TMEM150C: variants seen among roughly 807,000 people sequenced by gnomAD.
The protein encoded by TMEM150C is tentonin 3.
Under a neutral mutation model 29.9 loss-of-function variants are expected in TMEM150C, and 10 were observed. The ratio of observed to expected loss-of-function variants is 0.33; its 90% CI spans 0.21 to 0.57. TMEM150C has a LOEUF of 0.57. Among genes scored for constraint, TMEM150C ranks in the 20% least tolerant of loss-of-function variants. TMEM150C has a pLI of 0.88. For synonymous variants in TMEM150C, 101 were observed against 112.5 expected, an observed-to-expected ratio of 0.90 and a Z score of 0.64; for missense variants, 251 against 303.6, an observed-to-expected ratio of 0.83 and a Z score of 1.29.
At chr4:82,515,770 TCAGCCATAGG>T (rs1173306320) in intron 1 of TMEM150C, among the ~76,000 whole-genome samples, 2 of 151,608 alleles carry the variant, frequency 1.3e-5, no homozygotes, top group Admixed American at 1.3e-4. Flanking sequence ...TTCTAGTCCT[TCAGCCATAGG>T]CAGTGATTTC....
chr4:82,507,523 C>A (rs559603757), intron 1 of TMEM150C, among the ~76,000 whole-genome samples: 1 of 152,016 alleles, frequency 6.6e-6, no homozygotes, highest in African/African-American at 2.4e-5. Flanking sequence ...CTAAAGAATT[C>A]GCAATAGAGA....
chr4:82,491,369 T>A (rs1027200431), intron 6 of TMEM150C: 1 of 639,978 alleles, frequency 1.6e-6, no homozygotes, highest in Non-Finnish European at 2.8e-6. Context: ...ATCCAGGGCC[T>A]GGGTGAACTG....
At chr4:82,532,730 C>CTT (rs879674239) in intron 1 of TMEM150C, among the ~76,000 whole-genome samples, 13 of 139,992 alleles carry the variant, frequency 9.3e-5, no homozygotes, top group Admixed American at 4.3e-4. Flanking sequence ...GTCAAGTAAA[C>CTT]TTTTTTTTTT....
intron 1 of TMEM150C, among the ~76,000 whole-genome samples, chr4:82,545,582 A>G (rs1191542155): frequency 6.6e-6 from 1 of 152,188 alleles, no homozygotes; most frequent in African/African-American, 2.4e-5. Flanking sequence ...AAATAGGAAA[A>G]GAAAAAGTCA....
intron 1 of TMEM150C, among the ~76,000 whole-genome samples, chr4:82,523,697 CTTT>C (rs376571700): frequency 5.5e-5 from 8 of 146,074 alleles, no homozygotes; most frequent in African/African-American, 1.5e-4. Flanking sequence ...ACACAAATAA[CTTT>C]TTTTTTTTTT....
At chr4:82,522,754 C>T (rs984728011) in intron 1 of TMEM150C, among the ~76,000 whole-genome samples, 5 of 152,122 alleles carry the variant, frequency 3.3e-5, no homozygotes, top group African/African-American at 7.2e-5. Context: ...AAGTGGGAAT[C>T]TATAGCCAAG....
chr4:82,545,469 C>T (rs2110089695), intron 1 of TMEM150C, among the ~76,000 whole-genome samples: 1 of 152,284 alleles, frequency 6.6e-6, no homozygotes, highest in Admixed American at 6.5e-5. Context: ...AAGCGTTCCC[C>T]TTGAGAACTG....
intron 5 of TMEM150C, among the ~76,000 whole-genome samples, chr4:82,499,946 T>C (rs1041651453): frequency 3.3e-5 from 5 of 152,142 alleles, no homozygotes; most frequent in African/African-American, 1.2e-4. Context: ...ACTGTCAATA[T>C]GTTTTGCCTG....
chr4:82,508,398 C>A (rs1724006790), intron 1 of TMEM150C, among the ~76,000 whole-genome samples: 1 of 152,116 alleles, frequency 6.6e-6, no homozygotes, highest in Admixed American at 6.5e-5. Flanking sequence ...CCACTTCAAC[C>A]TCCCTAGTAG....
intron 1 of TMEM150C, among the ~76,000 whole-genome samples, chr4:82,510,954 G>A (rs916505697): frequency 2.0e-5 from 3 of 152,188 alleles, no homozygotes; most frequent in South Asian, 2.1e-4. Context: ...ATTATAAGGG[G>A]TAATGATGAG....
chr4:82,550,467 A>G (rs1725534014), intron 1 of TMEM150C, among the ~76,000 whole-genome samples: 1 of 152,166 alleles, frequency 6.6e-6, no homozygotes, highest in Non-Finnish European at 1.5e-5. Context: ...AAGAGACTAG[A>G]GGTCTCAATG....
chr4:82,486,748 TAAAA>T (rs35609094), intron 7 of TMEM150C, among the ~76,000 whole-genome samples: 1 of 151,852 alleles, frequency 6.6e-6, no homozygotes, highest in Non-Finnish European at 1.5e-5. Flanking sequence ...GCCCCATCAT[TAAAA>T]AAAGAAAAAC....
At chr4:82,491,681 T>C in intron 6 of TMEM150C, 1 of 483,052 alleles carries the variant, frequency 2.1e-6, no homozygotes, top group Non-Finnish European at 3.7e-6. Flanking sequence ...TTTTTTATTT[T>C]TATAGAGATG....
chr4:82,538,986 G>C (rs1725110414), intron 1 of TMEM150C, among the ~76,000 whole-genome samples: 1 of 152,144 alleles, frequency 6.6e-6, no homozygotes, highest in African/African-American at 2.4e-5. Context: ...AGGATCACTT[G>C]AGCCTGGGAG....
intron 6 of TMEM150C, among the ~76,000 whole-genome samples, chr4:82,492,898 A>ATG (rs1553905435): frequency 1.2e-4 from 17 of 136,090 alleles, no homozygotes; most frequent in African/African-American, 4.5e-4. Flanking sequence ...ATATATATAT[A>ATG]TGTATTTGAG....
chr4:82,506,855 T>C (rs1377139029), intron 1 of TMEM150C, among the ~76,000 whole-genome samples: 1 of 152,162 alleles, frequency 6.6e-6, no homozygotes, highest in Non-Finnish European at 1.5e-5. Flanking sequence ...GAGTGATGAT[T>C]GAGTAAGTAA....
At chr4:82,521,122 G>A (rs867680896) in intron 1 of TMEM150C, among the ~76,000 whole-genome samples, 1 of 152,118 alleles carries the variant, frequency 6.6e-6, no homozygotes. Flanking sequence ...TACCTTCTTG[G>A]TGAGGCCTTC....
chr4:82,537,162 T>G (rs1305221436), intron 1 of TMEM150C, among the ~76,000 whole-genome samples: 1 of 152,126 alleles, frequency 6.6e-6, no homozygotes, highest in East Asian at 1.9e-4. Flanking sequence ...TTTTTGTATT[T>G]TTTTAGTAGA....
intron 1 of TMEM150C, among the ~76,000 whole-genome samples, chr4:82,506,884 G>T (rs1168319766): frequency 6.6e-6 from 1 of 152,200 alleles, no homozygotes; most frequent in East Asian, 1.9e-4. Context: ...TTCTAGGTCT[G>T]CCAATGAAAC....
Sources: gnomAD v4.1 joint callset for allele counts (sites outside exome capture counted in the v4.1 genomes callset) on GRCh38, gnomAD v4.1.1 for gene constraint, MANE v1.5 for transcripts, NCBI Gene and HGNC (gene_info 2026-07-23, HGNC 2026-07-21) for gene names.